SHISA9: variants seen among roughly 807,000 people sequenced by gnomAD.
SHISA9 encodes the protein protein shisa-9.
SHISA9 carries 13 observed loss-of-function variants against 38.0 expected under a neutral mutation model. The ratio of observed to expected loss-of-function variants is 0.34; its 90% CI spans 0.22 to 0.54. The LOEUF is 0.54. Among genes scored for constraint, SHISA9 ranks in the 20% least tolerant of loss-of-function variants. The pLI is 0.91. For missense variants in SHISA9, 538 were observed against 575.8 expected (o/e 0.93, Z 0.67); for synonymous variants, 275 against 242.0 (o/e 1.14, Z -1.27).
the SHISA9 span, among the ~76,000 whole-genome samples, chr16:13,462,445 G>A: frequency 6.6e-6 from 1 of 152,156 alleles, no homozygotes. Flanking sequence ...AGGATTAGGT[G>A]AGGCCTAGAT....
chr16:13,234,988 T>TC (rs2051367396), intron 4 of SHISA9, 42 bp from the exon 5 acceptor site: 2 of 1,453,318 alleles, frequency 1.4e-6, no homozygotes, highest in African/African-American at 1.5e-5. Flanking sequence ...CTCTCTCTCT[T>TC]CTCTTTCTTC....
chr16:12,968,219 A>G (rs1167902163), intron 2 of SHISA9, among the ~76,000 whole-genome samples: 1 of 125,150 alleles, frequency 8.0e-6, no homozygotes, highest in African/African-American at 2.7e-5. Context: ...AAAAAAAAAA[A>G]AAAAAAATCC....
chr16:13,385,793 C>G, the SHISA9 span, among the ~76,000 whole-genome samples: 1 of 151,964 alleles, frequency 6.6e-6, no homozygotes, highest in Non-Finnish European at 1.5e-5. Context: ...TGTGGTATAT[C>G]CATACCATGA....
At chr16:13,454,856 C>CT in the SHISA9 span, among the ~76,000 whole-genome samples, 1 of 152,308 alleles carries the variant, frequency 6.6e-6, no homozygotes, top group Admixed American at 6.5e-5. Context: ...CATGTGGCTT[C>CT]CTTCATTACA....
the SHISA9 span, among the ~76,000 whole-genome samples, chr16:13,400,142 T>A: frequency 6.6e-6 from 1 of 152,150 alleles, no homozygotes; most frequent in African/African-American, 2.4e-5. Context: ...GGAGATTAAA[T>A]GCTTCCTAGA....
the SHISA9 span, among the ~76,000 whole-genome samples, chr16:13,286,706 A>G: frequency 6.6e-6 from 1 of 152,218 alleles, no homozygotes; most frequent in Non-Finnish European, 1.5e-5. Flanking sequence ...TTGCAGATCA[A>G]AAGTATCCTA....
At chr16:13,064,802 G>GA (rs932500001) in intron 2 of SHISA9, among the ~76,000 whole-genome samples, 1 of 127,754 alleles carries the variant, frequency 7.8e-6, no homozygotes, top group Non-Finnish European at 1.7e-5. Flanking sequence ...AAAAAAAAAA[G>GA]AAAAAAAGAG....
the SHISA9 span, among the ~76,000 whole-genome samples, chr16:13,298,700 CT>C: frequency 6.6e-6 from 1 of 152,178 alleles, no homozygotes; most frequent in South Asian, 2.1e-4. Flanking sequence ...AGAGTTCGCC[CT>C]GTCAAAGCCG....
At chr16:12,976,923 A>T (rs2072170370) in intron 2 of SHISA9, among the ~76,000 whole-genome samples, 1 of 152,224 alleles carries the variant, frequency 6.6e-6, no homozygotes, top group Non-Finnish European at 1.5e-5. Flanking sequence ...GTGGCACTTA[A>T]CAATGAATCA....
intron 2 of SHISA9, among the ~76,000 whole-genome samples, chr16:13,153,878 G>A (rs2050520467): frequency 6.7e-6 from 1 of 149,724 alleles, no homozygotes. Flanking sequence ...AATTACATTT[G>A]TGAAGCAGAT....
intron 2 of SHISA9, among the ~76,000 whole-genome samples, chr16:12,984,264 G>A (rs904578970): frequency 6.6e-6 from 1 of 151,602 alleles, no homozygotes; most frequent in South Asian, 2.1e-4. Context: ...AGAAATGAAA[G>A]GTACATTCAG....
chr16:13,163,647 G>T (rs761504974), intron 2 of SHISA9, among the ~76,000 whole-genome samples: 2 of 151,858 alleles, frequency 1.3e-5, no homozygotes, highest in African/African-American at 4.8e-5. Flanking sequence ...CATTTATTTA[G>T]GTCTTTTAAA....
At chr16:13,486,579 A>C in the SHISA9 span, among the ~76,000 whole-genome samples, 1 of 152,200 alleles carries the variant, frequency 6.6e-6, no homozygotes, top group Admixed American at 6.5e-5. Context: ...CTCACTTATA[A>C]AATGGAAAGA....
the SHISA9 span, among the ~76,000 whole-genome samples, chr16:13,434,419 G>GTTTGTTTTTTTTTTTTT: frequency 3.1e-5 from 2 of 64,566 alleles, no homozygotes; most frequent in East Asian, 9.8e-4. Flanking sequence ...GACAAGCTAT[G>GTTTGTTTTTTTTTTTTT]TTTTTTTTTT....
the SHISA9 span, among the ~76,000 whole-genome samples, chr16:13,449,394 A>C: frequency 2.6e-5 from 4 of 152,178 alleles, no homozygotes; most frequent in Non-Finnish European, 5.9e-5. Flanking sequence ...GAAAAGTGTT[A>C]CTTTAAAAAT....
At chr16:13,217,184 A>G (rs1226050114) in intron 4 of SHISA9, among the ~76,000 whole-genome samples, 4 of 151,932 alleles carry the variant, frequency 2.6e-5, no homozygotes, top group Non-Finnish European at 5.9e-5. Flanking sequence ...AGGCTGAGGC[A>G]GGAGAATGGC....
the SHISA9 span, among the ~76,000 whole-genome samples, chr16:13,335,552 T>C: frequency 6.6e-6 from 1 of 152,192 alleles, no homozygotes; most frequent in Non-Finnish European, 1.5e-5. Flanking sequence ...ACATTCCTGC[T>C]CCGTACATAA....
chr16:12,921,693 G>C (rs912926904), intron 2 of SHISA9, among the ~76,000 whole-genome samples: 3 of 152,082 alleles, frequency 2.0e-5, no homozygotes, highest in African/African-American at 7.2e-5. Flanking sequence ...CTGAACCCAG[G>C]AGGTCCAGGC....
chr16:13,020,507 A>G (rs1194651838), intron 2 of SHISA9, among the ~76,000 whole-genome samples: 3 of 152,206 alleles, frequency 2.0e-5, no homozygotes, highest in Non-Finnish European at 4.4e-5. Context: ...AATGGCCTCC[A>G]GCTCCATCCA....
Sources: gnomAD v4.1 joint callset for allele counts (sites outside exome capture counted in the v4.1 genomes callset) on GRCh38, gnomAD v4.1.1 for gene constraint, MANE v1.5 for transcripts, NCBI Gene and HGNC (gene_info 2026-07-23, HGNC 2026-07-21) for gene names.